VAMP7: variants seen among roughly 807,000 people sequenced by gnomAD.
VAMP7 encodes the protein vesicle-associated membrane protein 7.
Under a neutral mutation model 29.6 loss-of-function variants are expected in VAMP7, and 14 were observed. The observed-to-expected ratio is 0.47, with a 90% CI of 0.31 to 0.74. The LOEUF (loss-of-function observed/expected upper bound fraction) is 0.74, where lower values mean the gene tolerates loss of function less well. VAMP7 is among the 30% of genes least tolerant of loss of function. The probability of loss-of-function intolerance (pLI) is 0.05; values close to 1 mark genes in which losing one functional copy is unlikely to be tolerated. For missense variants in VAMP7, 223 were observed against 262.4 expected (o/e 0.85, Z 1.04); for synonymous variants, 95 against 88.1 (o/e 1.08, Z -0.44).
intron 5 of VAMP7, among the ~76,000 whole-genome samples, chrX:155,902,335 C>G (rs1038641015): frequency 4.6e-5 from 7 of 151,732 alleles, no homozygotes; most frequent in Admixed American, 4.6e-4. Context: ...TTGACTTCCT[C>G]TTTTCCTAAT....
At chrX:155,929,310 AT>A (rs1381271445) in intron 6 of VAMP7, among the ~76,000 whole-genome samples, 3 of 152,208 alleles carry the variant, frequency 2.0e-5, no homozygotes, top group Non-Finnish European at 2.9e-5. Context: ...GCAGTATCTA[AT>A]TTGTTTACCA....
intron 4 of VAMP7, 31 bp from the exon 5 acceptor site, chrX:155,900,466 G>T (rs376154108): frequency 5.9e-6 from 9 of 1,529,470 alleles, no homozygotes; most frequent in Non-Finnish European, 8.0e-6. Flanking sequence ...TAATGTCTAG[G>T]TACCATAAGT....
intron 1 of VAMP7, among the ~76,000 whole-genome samples, chrX:155,887,787 C>T (rs1359896419): frequency 6.6e-6 from 1 of 151,644 alleles, no homozygotes; most frequent in African/African-American, 2.4e-5. Flanking sequence ...CAAAAATAGC[C>T]GGACATGGTG....
At chrX:155,934,558 T>C (rs2066617415) in intron 6 of VAMP7, among the ~76,000 whole-genome samples, 1 of 152,292 alleles carries the variant, frequency 6.6e-6, no homozygotes, top group East Asian at 1.9e-4. Flanking sequence ...GCTTGGTAGA[T>C]CTTCCTGCAT....
chrX:155,942,621 T>G lies in VAMP7; in HGVS notation c.*670T>G, dbSNP rs2066763483. On this transcript the variant is annotated 3_prime_UTR_variant, in exon 8 of 8. Transcript: ENST00000286448. ...ATCATTCACAATACAGTGGATAGCT[T>G]GATATCTTCTGTTTTCCCATTGCAG... 6.4e-6 allele frequency: 1 copy of G among 157,216 alleles called. No individual in the cohort carries two copies. The highest frequency in any genetic ancestry group is 2.4e-5 in the African/African-American group (1 of 41,524). The allele number at this position is 157,216 out of a possible 1,614,324, so 9.7% of individuals were successfully genotyped here.
chrX:155,891,841 C>T lies in VAMP7; in HGVS notation c.146+2229C>T, dbSNP rs764134868. ...CATTTTGTAGTCCTCTTGCTGCCAG[C>T]GTAGGTTTGTGGGCCTAGAGGTTAG... On this transcript the variant is annotated intron_variant, in intron 2 of 7. Transcript: ENST00000286448. Among the ~76,000 whole-genome samples, 9 of 152,272 alleles carry T rather than the reference C, an allele frequency of 5.9e-5. No individual in the cohort carries two copies. In the South Asian group the frequency reaches 1.7e-3, roughly 28 times the overall value.
chrX:155,899,853 A>T (rs1356636535), intron 4 of VAMP7, among the ~76,000 whole-genome samples: 1 of 152,104 alleles, frequency 6.6e-6, no homozygotes, highest in Admixed American at 6.6e-5. Context: ...ATCGTTTCAT[A>T]GAGTTTTGGG....
intron 5 of VAMP7, among the ~76,000 whole-genome samples, chrX:155,915,701 T>C (rs2066301989): frequency 6.6e-6 from 1 of 152,252 alleles, no homozygotes; most frequent in African/African-American, 2.4e-5. Context: ...TCCTGAGTTC[T>C]AATTTGATGG....
intron 5 of VAMP7, among the ~76,000 whole-genome samples, chrX:155,916,562 ATC>A (rs1235347332): frequency 4.6e-5 from 7 of 152,168 alleles, no homozygotes; most frequent in Non-Finnish European, 8.8e-5. Flanking sequence ...TGGTGACAAA[ATC>A]TCTCAGCATT....
At chrX:155,919,786 C>T (rs754027827) in intron 5 of VAMP7, 27 bp from the exon 6 acceptor site, 24 of 1,589,996 alleles carry the variant, frequency 1.5e-5, no homozygotes, top group Non-Finnish European at 1.9e-5. Context: ...GAAAACTTGA[C>T]CTTTTCTACT....
intron 5 of VAMP7, among the ~76,000 whole-genome samples, chrX:155,911,361 T>C (rs1438809484): frequency 6.6e-6 from 1 of 152,214 alleles, no homozygotes; most frequent in Non-Finnish European, 1.5e-5. Flanking sequence ...CCTTGTAATA[T>C]GTTTTGAAGT....
At chrX:155,909,994 ATTG>A (rs2066213885) in intron 5 of VAMP7, among the ~76,000 whole-genome samples, 2 of 152,094 alleles carry the variant, frequency 1.3e-5, no homozygotes, top group South Asian at 4.2e-4. Flanking sequence ...ATAATACACT[ATTG>A]TTAACTTTAG....
chrX:155,887,863 G>A (rs2065882964), intron 1 of VAMP7, among the ~76,000 whole-genome samples: 1 of 151,710 alleles, frequency 6.6e-6, no homozygotes, highest in Admixed American at 6.6e-5. Flanking sequence ...CCTGATAAGT[G>A]GAGGCTGTAG....
rs1345498092 is a variant in VAMP7 at position 155,899,089 on chromosome X, C to T, written c.342+840C>T. Reference sequence around the variant, plus strand: ...CAGTTTTCAGCTATCATGAATAAAGCTGCTGTTAACCTCCATGTATAAGTC... The same window carrying T: ...CAGTTTTCAGCTATCATGAATAAAGTTGCTGTTAACCTCCATGTATAAGTC... On this transcript the variant is annotated intron_variant, in intron 4 of 7. Coordinates refer to ENST00000286448, the MANE Select transcript of VAMP7 (RefSeq NM_005638.6). 3.3e-5 allele frequency among the ~76,000 whole-genome samples: 5 copies of T among 151,966 alleles called. No homozygotes were observed. In the South Asian group the frequency reaches 6.2e-4, roughly 19 times the overall value.
chrX:155,892,829 C>T (rs532732540), intron 2 of VAMP7, among the ~76,000 whole-genome samples: 10 of 151,904 alleles, frequency 6.6e-5, no homozygotes, highest in East Asian at 3.9e-4. Context: ...CTCAGCTCAC[C>T]GCAACCTCCA....
At chrX:155,902,075 A>G (rs962906309) in intron 5 of VAMP7, among the ~76,000 whole-genome samples, 11 of 152,086 alleles carry the variant, frequency 7.2e-5, no homozygotes, top group Non-Finnish European at 1.6e-4. Context: ...TTCTCCTTGA[A>G]GTGGTCCTTC....
intron 5 of VAMP7, among the ~76,000 whole-genome samples, chrX:155,901,231 G>A (rs2066057359): frequency 6.6e-6 from 1 of 151,990 alleles, no homozygotes; most frequent in Non-Finnish European, 1.5e-5. Flanking sequence ...ATGCGCAAAC[G>A]TTTTCGTGGT....
chrX:155,917,331 A>AT (rs1330497834), intron 5 of VAMP7, among the ~76,000 whole-genome samples: 1 of 152,038 alleles, frequency 6.6e-6, no homozygotes, highest in Non-Finnish European at 1.5e-5. Context: ...GGAGTTTGTT[A>AT]TTATCCACCT....
intron 6 of VAMP7, among the ~76,000 whole-genome samples, chrX:155,922,184 C>T (rs1224925309): frequency 6.6e-6 from 1 of 151,662 alleles, no homozygotes; most frequent in African/African-American, 2.4e-5. Flanking sequence ...ATTCATTTAC[C>T]AGTTCTGGTT....
Sources: allele counts gnomAD v4.1 joint callset (sites outside exome capture counted in the v4.1 genomes callset), GRCh38; gene constraint gnomAD v4.1.1; transcripts MANE v1.5; gene names NCBI Gene and HGNC (gene_info 2026-07-23, HGNC 2026-07-21).